The following MREG variants were observed in gnomAD, a reference collection of about 807,000 sequenced individuals.
MREG encodes melanoregulin.
In MREG, 31 loss-of-function variants were observed where a neutral mutation model predicts 28.5. The ratio of observed to expected loss-of-function variants is 1.09; its 90% confidence interval spans 0.82 to 1.47. The LOEUF (loss-of-function observed/expected upper bound fraction) is 1.47. MREG is among the 40% of genes most tolerant of loss of function. The pLI, the probability that MREG is intolerant of heterozygous loss-of-function variation, is 0.00. For synonymous variants in MREG, 106 were observed against 95.2 expected (o/e 1.11, Z -0.66); for missense variants, 256 against 257.4 (o/e 0.99, Z 0.04).
At chr2:216,031,384 G>A (rs1574666511) in intron 1 of MREG, among the ~76,000 whole-genome samples, 2 of 149,026 alleles carry the variant, frequency 1.3e-5, no homozygotes, top group East Asian at 4.0e-4. Flanking sequence ...TGCAGCCTGG[G>A]CAACAGAGTG....
rs547568905 is a variant in MREG at position 216,011,041 on chromosome 2, A to C, written c.95+2192T>G. 3.2e-3 allele frequency among the ~76,000 whole-genome samples: 474 copies of C among 148,448 alleles called. 3 individuals carry two copies. Among genetic ancestry groups the C allele is most frequent in the Non-Finnish European group, 4.4e-3 (296 of 67,618 alleles). On this transcript the variant is annotated intron_variant, in intron 1 of 4. Transcript: ENST00000263268. ...AGCCTGGGAGGCGGAGCTTGCAGTG[A>C]GCCGAGATCATGCCACTGCACTCCA...
At chr2:215,939,769 A>G (rs1318252332), downstream of MREG, 2 of 152,228 alleles carry the variant, frequency 1.3e-5, no homozygotes, top group East Asian at 3.8e-4. Flanking sequence ...AACCATCTCT[A>G]GAAAGTGGAT....
rs573151766 is a variant in MREG, at chr2:215,991,694, G to GA, written c.255+4611dup. Among the ~76,000 whole-genome samples the GA allele has an allele frequency of 6.6e-5, 10 of 152,116 alleles. No homozygotes were observed. The South Asian group carries it at 2.1e-3, about 32-fold the overall frequency. ...GAGAGAATAACCAAACAGATGCAATGAAAAATGATAAAGGTGAGATCACCA... is the reference window on the plus strand; with the variant it reads ...GAGAGAATAACCAAACAGATGCAATGAAAAAATGATAAAGGTGAGATCACCA... On this transcript the variant is annotated intron_variant, in intron 2 of 4. Coordinates refer to ENST00000263268, the MANE Select transcript of MREG (RefSeq NM_018000.3).
Position 215,943,801 on chromosome 2 carries a change from A to G in MREG, c.*1062T>C, listed in dbSNP as rs1339280230. Reference sequence around the variant, plus strand: ...GGTTGCAGTGAGCCGAGATCGCACCACTGTACTCCAGCCTGGGCGACAGAG... The same window carrying G: ...GGTTGCAGTGAGCCGAGATCGCACCGCTGTACTCCAGCCTGGGCGACAGAG... On this transcript the variant is annotated 3_prime_UTR_variant, in exon 5 of 5. Coordinates refer to ENST00000263268, the MANE Select transcript of MREG (RefSeq NM_018000.3). 6.6e-6 allele frequency: 1 copy of G among 151,628 alleles called. No individual in the cohort carries two copies. The highest frequency in any genetic ancestry group is 1.3e-5 in the Non-Finnish European group (1 of 77,868). The allele number at this position is 151,628 out of a possible 1,614,324, so 9.4% of individuals were successfully genotyped here. A position where few individuals can be genotyped will look rare whatever the true frequency, so the allele number is the denominator to read the frequency against.
intron 2 of MREG, among the ~76,000 whole-genome samples, chr2:215,992,818 C>T (rs1227352677): frequency 6.6e-6 from 1 of 152,014 alleles, no homozygotes; most frequent in Non-Finnish European, 1.5e-5. Flanking sequence ...TTCACAATTG[C>T]CACAAAGAGA....
intron 2 of MREG, among the ~76,000 whole-genome samples, chr2:215,954,752 G>C (rs1226383662): frequency 6.6e-6 from 1 of 151,368 alleles, no homozygotes; most frequent in East Asian, 1.9e-4. Context: ...TGCCCAGGCT[G>C]GGGTGCAATG....
intron 1 of MREG, among the ~76,000 whole-genome samples, chr2:216,025,167 G>A (rs1694577231): frequency 6.6e-6 from 1 of 152,164 alleles, no homozygotes; most frequent in Non-Finnish European, 1.5e-5. Flanking sequence ...GGCAACATAG[G>A]AGAATGGTTT....
intron 2 of MREG, among the ~76,000 whole-genome samples, chr2:215,984,557 T>C (rs1371908181): frequency 6.8e-6 from 1 of 147,468 alleles, no homozygotes; most frequent in Admixed American, 6.7e-5. Context: ...AAGGCTTTTT[T>C]AGGAGAGTCA....
chr2:216,019,654 G>A (rs1040690901), intron 1 of MREG, among the ~76,000 whole-genome samples: 9 of 151,796 alleles, frequency 5.9e-5, no homozygotes, highest in African/African-American at 2.2e-4. Context: ...ATAGGCGCCC[G>A]CCACCATGCC....
In MREG at chr2:216,013,168, C is replaced by A. The variant is rs771863118; in HGVS notation, c.95+65G>T. 1.8e-5 allele frequency: 26 copies of A among 1,428,128 alleles called. No homozygotes were observed. In the African/African-American group the frequency reaches 2.8e-4, roughly 16 times the overall value. The allele number at this position is 1,428,128 out of a possible 1,614,324, so 88.5% of individuals were successfully genotyped here. ...CCAACTCACACAAGCACACAGGTGT[C>A]CACACTCTCGGCGCCCGGCTACGGC... On this transcript the variant is annotated intron_variant, in intron 1 of 4. Coordinates refer to ENST00000263268, the MANE Select transcript of MREG (RefSeq NM_018000.3).
At chr2:216,011,280 G>A (rs115292905) in intron 1 of MREG, among the ~76,000 whole-genome samples, 1,583 of 152,138 alleles carry the variant, frequency 0.01, 24 homozygotes, top group African/African-American at 0.036. Flanking sequence ...ACTGTTCCAC[G>A]TATCCATTAA....
chr2:215,967,130 G>A (rs746737110), intron 2 of MREG, among the ~76,000 whole-genome samples: 2 of 152,256 alleles, frequency 1.3e-5, no homozygotes, highest in East Asian at 1.9e-4. Flanking sequence ...GTCTTTCCTC[G>A]TTATTATAGA....
At chr2:216,024,693 G>C (rs1443542915) in intron 1 of MREG, among the ~76,000 whole-genome samples, 1 of 151,740 alleles carries the variant, frequency 6.6e-6, no homozygotes, top group Non-Finnish European at 1.5e-5. Context: ...GGCCAACATG[G>C]TGAAACCCCA....
chr2:216,007,515 C>T (rs998230977), intron 1 of MREG, among the ~76,000 whole-genome samples: 7 of 151,888 alleles, frequency 4.6e-5, no homozygotes, highest in African/African-American at 7.3e-5. Flanking sequence ...CTGCAACCTC[C>T]GCCTCCCAGA....
chr2:215,951,959 T>G (rs1271859812), intron 2 of MREG, among the ~76,000 whole-genome samples: 1 of 152,238 alleles, frequency 6.6e-6, no homozygotes, highest in Non-Finnish European at 1.5e-5. Flanking sequence ...ACGACTGTTC[T>G]ACTCTGCTTC....
In MREG at chr2:215,949,084, C is replaced by CTAATAA. The variant is rs1491366027; in HGVS notation, c.256-1972_256-1971insTTATTA. Among the ~76,000 whole-genome samples the CTAATAA allele has an allele frequency of 7.1e-3, 816 of 115,334 alleles. 1 individual carries two copies. The highest frequency in any genetic ancestry group is 0.013 in the South Asian group (42 of 3,332). 75.7% of individuals were successfully genotyped at this position (115,334 alleles called of 152,430 possible). ...ACTACTACTACTACTACTACTACTA[C>CTAATAA]TACTAATAATAATAATAATAATACA... On this transcript the variant is annotated intron_variant, in intron 2 of 4. Coordinates refer to ENST00000263268, the MANE Select transcript of MREG (RefSeq NM_018000.3).
intron 2 of MREG, among the ~76,000 whole-genome samples, chr2:215,967,145 T>C (rs1692964242): frequency 6.6e-6 from 1 of 152,248 alleles, no homozygotes; most frequent in Non-Finnish European, 1.5e-5. Flanking sequence ...TATAGACATA[T>C]GAATGACTCC....
intron 2 of MREG, among the ~76,000 whole-genome samples, chr2:215,985,061 G>A (rs1693530866): frequency 6.6e-6 from 1 of 152,190 alleles, no homozygotes; most frequent in African/African-American, 2.4e-5. Flanking sequence ...CCTTGGATAA[G>A]TTGCTTAAAA....
chr2:216,003,651 G>A (rs959666919), intron 1 of MREG, among the ~76,000 whole-genome samples: 3 of 152,132 alleles, frequency 2.0e-5, no homozygotes, highest in South Asian at 2.1e-4. Context: ...GTGTGGTCCC[G>A]ACCAAGCACC....
Sources: allele counts gnomAD v4.1 joint callset (sites outside exome capture counted in the v4.1 genomes callset), GRCh38; gene constraint gnomAD v4.1.1; transcripts MANE v1.5; gene names NCBI Gene and HGNC (gene_info 2026-07-23, HGNC 2026-07-21).